Variants in CCDC169 observed in about 807,000 individuals in gnomAD.
CCDC169 encodes the protein coiled-coil domain-containing protein 169.
In CCDC169, 30 loss-of-function variants were observed where a neutral mutation model predicts 36.0. The ratio of observed to expected loss-of-function variants is 0.83; its 90% confidence interval spans 0.62 to 1.13. CCDC169 has a LOEUF of 1.13. Among genes scored for constraint, CCDC169 ranks in the 50% most tolerant of loss-of-function variants. The pLI, the probability that CCDC169 is intolerant of heterozygous loss-of-function variation, is 0.00. For missense variants in CCDC169, 245 were observed against 245.9 expected, an observed-to-expected ratio of 1.00 and a Z score of 0.03; for synonymous variants, 85 against 81.5, an observed-to-expected ratio of 1.04 and a Z score of -0.23.
intron 2 of CCDC169, among the ~76,000 whole-genome samples, chr13:36,294,644 G>A (rs769584767): frequency 3.3e-5 from 5 of 152,140 alleles, no homozygotes; most frequent in South Asian, 2.1e-4. Context: ...TTATTCGGCC[G>A]GGAGCATCAG....
At chr13:36,253,953 T>C in intron 5 of CCDC169, 92 bp downstream of exon 5, 2 of 817,042 alleles carry the variant, frequency 2.4e-6, no homozygotes, top group South Asian at 1.9e-5. Flanking sequence ...GTGTAGGAAA[T>C]AGTTTTGTGT....
chr13:36,283,493 A>G lies in CCDC169; in HGVS notation c.291T>C (p.Ile97=), dbSNP rs144027143. Reference sequence around the variant, plus strand: ...CCACTGGCATTCGTTCATAGACACGAATAGAAGATAGTCTATCTACAATAA... The same window carrying G: ...CCACTGGCATTCGTTCATAGACACGGATAGAAGATAGTCTATCTACAATAA... ...HGNSSDRLSS[I]RVYERMPVES... Residue 97 remains isoleucine (I), a synonymous_variant, in exon 4 of 8, where the codon ATT becomes ATC. Coordinates refer to ENST00000239859, the MANE Select transcript of CCDC169 (RefSeq NM_001144981.3). 25 of 1,550,296 alleles carry G rather than the reference A, an allele frequency of 1.6e-5. No individual in the cohort carries two copies. The African/African-American group carries it at 1.6e-4, about 10-fold the overall frequency.
At position 36,273,749 on chromosome 13, in the gene CCDC169, C is replaced by G. The variant is rs560156663; in HGVS notation, c.315+9720G>C. On this transcript the variant is annotated intron_variant, in intron 4 of 7. Coordinates refer to ENST00000239859, the MANE Select transcript of CCDC169 (RefSeq NM_001144981.3). ...TTATTTAAAATTTTTTTGTAATGTA[C>G]TAATTTCTAAAGCTTTATAAGCACC... is the stretch of plus-strand genomic sequence containing the variant. Among the ~76,000 whole-genome samples, 15 of 152,226 alleles carry G rather than the reference C, an allele frequency of 9.9e-5. No individual in the cohort carries two copies. In the South Asian group the frequency reaches 3.1e-3, roughly 32 times the overall value.
chr13:36,258,721 T>G (rs1175499773), intron 4 of CCDC169, among the ~76,000 whole-genome samples: 1 of 146,080 alleles, frequency 6.8e-6, no homozygotes, highest in African/African-American at 2.5e-5. Flanking sequence ...AATCAAGAAA[T>G]AAGCACAAAA....
At chr13:36,260,881 A>G (rs1286693230) in intron 4 of CCDC169, among the ~76,000 whole-genome samples, 1 of 152,162 alleles carries the variant, frequency 6.6e-6, no homozygotes, top group Non-Finnish European at 1.5e-5. Flanking sequence ...TTCAGAGAGG[A>G]CCTAGAAGTA....
At chr13:36,284,556 C>T (rs1051615377) in intron 2 of CCDC169, among the ~76,000 whole-genome samples, 1 of 152,146 alleles carries the variant, frequency 6.6e-6, no homozygotes, top group Non-Finnish European at 1.5e-5. Context: ...TTTCTCTTAA[C>T]CTTAAGCAGT....
chr13:36,291,335 T>C (rs1293151606), intron 2 of CCDC169, among the ~76,000 whole-genome samples: 3 of 152,228 alleles, frequency 2.0e-5, no homozygotes, highest in Non-Finnish European at 4.4e-5. Context: ...AAATCTCTTA[T>C]GTTAAATAAG....
intron 7 of CCDC169, among the ~76,000 whole-genome samples, chr13:36,248,027 T>C (rs971923387): frequency 4.6e-5 from 7 of 152,168 alleles, no homozygotes; most frequent in African/African-American, 1.4e-4. Context: ...GCCATCAACA[T>C]TGAGGCAAGA....
intron 7 of CCDC169, among the ~76,000 whole-genome samples, chr13:36,241,024 G>C (rs1376534815): frequency 6.6e-6 from 1 of 151,924 alleles, no homozygotes; most frequent in South Asian, 2.1e-4. Context: ...TACACAGTAG[G>C]ACTATAATAG....
chr13:36,263,778 C>T (rs569170710), intron 4 of CCDC169, among the ~76,000 whole-genome samples: 3 of 151,960 alleles, frequency 2.0e-5, no homozygotes, highest in Non-Finnish European at 2.9e-5. Flanking sequence ...CAAATTTGCT[C>T]CAGAAGAAAA....
chr13:36,223,136 A>C (rs1243570011), downstream of CCDC169: 1 of 152,182 alleles, frequency 6.6e-6, no homozygotes, highest in Non-Finnish European at 1.5e-5. Context: ...TTGAAAGCTC[A>C]TATTTATAGT....
At chr13:36,281,327 A>G (rs1877513195) in intron 4 of CCDC169, 1 of 434,438 alleles carries the variant, frequency 2.3e-6, no homozygotes, top group Non-Finnish European at 4.5e-6. Context: ...TTTCTCTTAC[A>G]TTCTGCCAAA....
chr13:36,231,593 G>A (rs1389455165), intron 7 of CCDC169, among the ~76,000 whole-genome samples: 2 of 152,140 alleles, frequency 1.3e-5, no homozygotes, highest in East Asian at 1.9e-4. Context: ...AGACAGATCC[G>A]TGAATTCCTT....
chr13:36,272,100 TAAAA>T (rs1160651696), intron 4 of CCDC169, among the ~76,000 whole-genome samples: 2 of 97,342 alleles, frequency 2.1e-5, no homozygotes, highest in African/African-American at 6.8e-5. Context: ...AAAAAAAAAC[TAAAA>T]AAATAAATAA....
At chr13:36,245,570 G>A (rs1216625975) in intron 7 of CCDC169, among the ~76,000 whole-genome samples, 1 of 152,108 alleles carries the variant, frequency 6.6e-6, no homozygotes, top group African/African-American at 2.4e-5. Context: ...AATGTTGTAT[G>A]ATAGGCATGA....
chr13:36,240,649 CT>C, intron 7 of CCDC169: 2 of 1,282,222 alleles, frequency 1.6e-6, no homozygotes, highest in African/African-American at 1.5e-5. Flanking sequence ...TCCTTTAGGG[CT>C]TTTAGTCACT....
At chr13:36,278,631 C>A (rs988545398) in intron 4 of CCDC169, among the ~76,000 whole-genome samples, 1 of 152,096 alleles carries the variant, frequency 6.6e-6, no homozygotes, top group African/African-American at 2.4e-5. Context: ...GTTGTCCCCC[C>A]ATCCTTTCTC....
intron 4 of CCDC169, among the ~76,000 whole-genome samples, chr13:36,257,361 C>T (rs1316671120): frequency 6.6e-6 from 1 of 152,110 alleles, no homozygotes; most frequent in Non-Finnish European, 1.5e-5. Flanking sequence ...GTTCATTACC[C>T]TAATTTCAAG....
intron 4 of CCDC169, among the ~76,000 whole-genome samples, chr13:36,264,117 T>C (rs1029506911): frequency 4.6e-5 from 7 of 152,206 alleles, no homozygotes; most frequent in Non-Finnish European, 1.5e-5. Flanking sequence ...ACAAATTATT[T>C]TGGCATTAAA....
Sources: allele counts gnomAD v4.1 joint callset (sites outside exome capture counted in the v4.1 genomes callset), GRCh38; gene constraint gnomAD v4.1.1; transcripts MANE v1.5; gene names NCBI Gene and HGNC (gene_info 2026-07-23, HGNC 2026-07-21).